RALY: variants seen among roughly 807,000 people sequenced by gnomAD.
The protein encoded by RALY is RNA-binding protein Raly.
Under a neutral mutation model 30.7 loss-of-function variants are expected in RALY, and 15 were observed. The observed-to-expected ratio is 0.49, with a 90% CI of 0.33 to 0.75. The LOEUF (loss-of-function observed/expected upper bound fraction) is 0.75. Ranked by LOEUF, RALY falls within the 30% of genes least tolerant of loss-of-function variation. RALY has a pLI of 0.02. For synonymous variants in RALY, 177 were observed against 170.8 expected, an observed-to-expected ratio of 1.04 and a Z score of -0.28; for missense variants, 339 against 414.3, an observed-to-expected ratio of 0.82 and a Z score of 1.58.
chr20:34,062,559 A>G (rs918436499), intron 2 of RALY, among the ~76,000 whole-genome samples: 12 of 152,192 alleles, frequency 7.9e-5, no homozygotes, highest in South Asian at 2.1e-4. Flanking sequence ...GCCTGGGCCT[A>G]TGGCAGCCCT....
chr20:34,020,897 C>T (rs1315132752), intron 1 of RALY, among the ~76,000 whole-genome samples: 2 of 151,872 alleles, frequency 1.3e-5, no homozygotes, highest in African/African-American at 2.4e-5. Context: ...ACCTGTCCTA[C>T]CTACCGCTCA....
intron 1 of RALY, among the ~76,000 whole-genome samples, chr20:33,995,402 T>G (rs1786279060): frequency 1.3e-5 from 2 of 152,232 alleles, no homozygotes; most frequent in South Asian, 4.1e-4. Context: ...TTATCGATCC[T>G]AGTTTGATGG....
At chr20:34,030,424 A>G (rs2032224527) in intron 1 of RALY, among the ~76,000 whole-genome samples, 1 of 152,226 alleles carries the variant, frequency 6.6e-6, no homozygotes. Context: ...GCTCTATTCC[A>G]TTCCACATTC....
intron 8 of RALY, 63 bp downstream of exon 8, chr20:34,077,308 A>G (rs2033920723): frequency 6.3e-7 from 1 of 1,599,564 alleles, no homozygotes; most frequent in Non-Finnish European, 8.5e-7. Context: ...GGAGGCCAAC[A>G]GGGGAATGGG....
intron 2 of RALY, among the ~76,000 whole-genome samples, chr20:34,071,177 G>C (rs558803688): frequency 3.2e-4 from 49 of 152,232 alleles, no homozygotes; most frequent in Non-Finnish European, 5.3e-4. Flanking sequence ...ATGAGATTTG[G>C]GCGGGGACAC....
intron 1 of RALY, among the ~76,000 whole-genome samples, chr20:34,012,741 A>G (rs1188019843): frequency 6.6e-6 from 1 of 152,224 alleles, no homozygotes; most frequent in Admixed American, 6.5e-5. Context: ...GATAAAATCT[A>G]AACTCTGGCC....
Position 34,058,021 on chromosome 20 carries a change from T to G in RALY, c.-9-14045T>G, listed in dbSNP as rs188279354. Among the ~76,000 whole-genome samples, 63 of 150,792 alleles carry G rather than the reference T, an allele frequency of 4.2e-4. 1 individual carries two copies. Among genetic ancestry groups the G allele is most frequent in the Middle Eastern group, 6.8e-3 (2 of 292 alleles). On this transcript the variant is annotated intron_variant, in intron 2 of 9. Transcript: ENST00000246194. ...CACCTATTACAGTTTTGGAGAAACT[T>G]TTTTTTTTTCTTTTAACCAGTTGCA... is the stretch of plus-strand genomic sequence containing the variant.
intron 2 of RALY, among the ~76,000 whole-genome samples, chr20:34,071,347 GGC>G (rs1190238565): frequency 6.6e-6 from 1 of 151,438 alleles, no homozygotes; most frequent in Non-Finnish European, 1.5e-5. Flanking sequence ...GGAGTGCAGT[GGC>G]TTACTGCAAC....
At chr20:34,007,975 A>ACC (rs2031237818) in intron 1 of RALY, among the ~76,000 whole-genome samples, 1 of 152,088 alleles carries the variant, frequency 6.6e-6, no homozygotes, top group Non-Finnish European at 1.5e-5. Context: ...GGACTGCAAG[A>ACC]CCATATGCTA....
chr20:34,066,608 C>T (rs551420994), intron 2 of RALY, among the ~76,000 whole-genome samples: 1 of 151,894 alleles, frequency 6.6e-6, no homozygotes, highest in Non-Finnish European at 1.5e-5. Context: ...CTAGGCTGGT[C>T]TCCAACTCCA....
At chr20:33,999,123 C>CAAA (rs1039542148) in intron 1 of RALY, among the ~76,000 whole-genome samples, 4 of 54,152 alleles carry the variant, frequency 7.4e-5, no homozygotes, top group African/African-American at 2.5e-4. Flanking sequence ...GACTCCATCT[C>CAAA]AAAAAAAAAA....
At chr20:34,070,736 A>G (rs1477274292) in intron 2 of RALY, among the ~76,000 whole-genome samples, 1 of 152,216 alleles carries the variant, frequency 6.6e-6, no homozygotes, top group East Asian at 1.9e-4. Flanking sequence ...AGTAATCATG[A>G]CATTAACTTG....
intron 8 of RALY, chr20:34,077,675 C>G: frequency 3.7e-6 from 1 of 271,106 alleles, no homozygotes; most frequent in South Asian, 3.6e-5. Context: ...GAGCTCCCCG[C>G]CTGTTACTAG....
intron 1 of RALY, chr20:34,017,386 A>G (rs990301599): frequency 2.0e-5 from 3 of 152,242 alleles, no homozygotes; most frequent in African/African-American, 4.8e-5. Flanking sequence ...ACCGATTCCA[A>G]TCTGATGAAC....
intron 1 of RALY, among the ~76,000 whole-genome samples, chr20:34,029,478 A>C (rs1487786476): frequency 1.8e-5 from 1 of 56,178 alleles, no homozygotes. Context: ...GGAGGGAGGA[A>C]AGGGAGGGAG....
chr20:34,054,552 A>G (rs2033180176), intron 2 of RALY, among the ~76,000 whole-genome samples: 2 of 152,224 alleles, frequency 1.3e-5, no homozygotes, highest in Non-Finnish European at 2.9e-5. Flanking sequence ...CAGGCTGGGC[A>G]TGGTGGCTCA....
At chr20:34,012,699 C>G (rs765922471) in intron 1 of RALY, among the ~76,000 whole-genome samples, 2 of 151,138 alleles carry the variant, frequency 1.3e-5, no homozygotes, top group African/African-American at 2.4e-5. Flanking sequence ...ACTGTCCCCT[C>G]TTCTTCTCCA....
intron 1 of RALY, among the ~76,000 whole-genome samples, chr20:34,011,031 G>GT (rs2031377360): frequency 1.8e-5 from 2 of 108,974 alleles, no homozygotes; most frequent in South Asian, 3.0e-4. Flanking sequence ...AATAAACTGG[G>GT]TGGGGGGGGG....
intron 2 of RALY, among the ~76,000 whole-genome samples, chr20:34,039,615 T>A (rs1406350357): frequency 6.6e-6 from 1 of 152,172 alleles, no homozygotes; most frequent in Non-Finnish European, 1.5e-5. Flanking sequence ...AGCCCTAGAG[T>A]ATTTAGAATG....
Sources: allele counts gnomAD v4.1 joint callset (sites outside exome capture counted in the v4.1 genomes callset), GRCh38; gene constraint gnomAD v4.1.1; transcripts MANE v1.5; gene names NCBI Gene and HGNC (gene_info 2026-07-23, HGNC 2026-07-21).